FHOD3: variants seen among roughly 807,000 people sequenced by gnomAD.
FHOD3 encodes the protein FH1/FH2 domain-containing protein 3.
A neutral mutation model predicts 173.0 loss-of-function variants in FHOD3; 90 were observed. That is an observed-to-expected ratio of 0.52 (90% CI 0.44 to 0.62). FHOD3 has a LOEUF of 0.62. Ranked by LOEUF, FHOD3 falls within the 20% of genes least tolerant of loss-of-function variation. FHOD3 has a pLI of 0.00. For missense variants in FHOD3, 1,945 were observed against 2,034.7 expected, an observed-to-expected ratio of 0.96 and a Z score of 0.85; for synonymous variants, 828 against 823.0, an observed-to-expected ratio of 1.01 and a Z score of -0.10.
At chr18:36,568,199 A>G (rs1441341591) in intron 5 of FHOD3, among the ~76,000 whole-genome samples, 1 of 149,320 alleles carries the variant, frequency 6.7e-6, no homozygotes, top group East Asian at 2.0e-4. Flanking sequence ...TTAGCCAGGC[A>G]TGGTGGTGCA....
chr18:36,424,646 A>G (rs1217542666), intron 3 of FHOD3, among the ~76,000 whole-genome samples: 1 of 152,256 alleles, frequency 6.6e-6, no homozygotes, highest in Non-Finnish European at 1.5e-5. Context: ...TCTGTTGTAA[A>G]TTAATGTTCT....
chr18:36,465,260 G>A (rs1022371659), intron 3 of FHOD3, among the ~76,000 whole-genome samples: 5 of 152,126 alleles, frequency 3.3e-5, no homozygotes, highest in African/African-American at 9.7e-5. Context: ...CTCGGGAGGC[G>A]GAAGTTGCAG....
intron 3 of FHOD3, among the ~76,000 whole-genome samples, chr18:36,388,914 G>A (rs1159971005): frequency 6.6e-6 from 1 of 152,202 alleles, no homozygotes; most frequent in African/African-American, 2.4e-5. Context: ...TCTAGGGAAG[G>A]TGCCCTGGGG....
intron 20 of FHOD3, 95 bp from the exon 21 acceptor site, chr18:36,740,561 G>C (rs2041853879): frequency 3.2e-6 from 4 of 1,261,976 alleles, no homozygotes; most frequent in Non-Finnish European, 4.4e-6. Context: ...TCTACTACCT[G>C]GTTGGAAAAT....
At chr18:36,603,343 G>A (rs972596988) in intron 8 of FHOD3, among the ~76,000 whole-genome samples, 3 of 152,084 alleles carry the variant, frequency 2.0e-5, no homozygotes, top group South Asian at 2.1e-4. Context: ...TATGCGACAC[G>A]TGGAGTGGAT....
intron 5 of FHOD3, among the ~76,000 whole-genome samples, chr18:36,513,397 G>A (rs2055772773): frequency 1.3e-5 from 2 of 152,184 alleles, no homozygotes; most frequent in Admixed American, 1.3e-4. Flanking sequence ...GGCAGCAGCT[G>A]TGCCCAGGCA....
At chr18:36,722,450 T>A (rs1600417780) in intron 19 of FHOD3, among the ~76,000 whole-genome samples, 1 of 152,334 alleles carries the variant, frequency 6.6e-6, no homozygotes, top group East Asian at 1.9e-4. Flanking sequence ...GATGTTGTCT[T>A]ACTCTCTTGC....
chr18:36,500,255 A>G (rs560490613), intron 3 of FHOD3, among the ~76,000 whole-genome samples: 6 of 152,314 alleles, frequency 3.9e-5, no homozygotes, highest in African/African-American at 1.4e-4. Flanking sequence ...TATGTCTGGT[A>G]GGGAGACCTT....
At chr18:36,434,574 G>A (rs1464043476) in intron 3 of FHOD3, among the ~76,000 whole-genome samples, 3 of 151,974 alleles carry the variant, frequency 2.0e-5, no homozygotes, top group Non-Finnish European at 4.4e-5. Context: ...TAATCAGATT[G>A]TTGATTTTTT....
At chr18:36,566,867 GA>G (rs538374965) in intron 5 of FHOD3, among the ~76,000 whole-genome samples, 52 of 149,250 alleles carry the variant, frequency 3.5e-4, no homozygotes, top group African/African-American at 7.6e-4. Flanking sequence ...AGACCTACAG[GA>G]AAAAAAAAAT....
At chr18:36,330,121 C>A (rs180809479) in intron 1 of FHOD3, among the ~76,000 whole-genome samples, 1 of 152,140 alleles carries the variant, frequency 6.6e-6, no homozygotes, top group Admixed American at 6.5e-5. Context: ...GAATTACACA[C>A]CTAGCTTGAA....
chr18:36,606,222 T>C (rs1357436821), intron 8 of FHOD3, among the ~76,000 whole-genome samples: 1 of 152,238 alleles, frequency 6.6e-6, no homozygotes, highest in African/African-American at 2.4e-5. Flanking sequence ...TTGCTGTAAC[T>C]GAATACCACA....
At chr18:36,601,153 C>T (rs1026155345) in intron 7 of FHOD3, among the ~76,000 whole-genome samples, 2 of 152,166 alleles carry the variant, frequency 1.3e-5, no homozygotes, top group African/African-American at 4.8e-5. Context: ...GGAGATAATT[C>T]AGTAGTCAGC....
intron 2 of FHOD3, among the ~76,000 whole-genome samples, chr18:36,369,290 G>A (rs1181076718): frequency 2.0e-5 from 3 of 152,138 alleles, no homozygotes; most frequent in Non-Finnish European, 4.4e-5. Flanking sequence ...ATCAGTGGTA[G>A]CAGGGAAATG....
chr18:36,541,433 G>A (rs2057214729), intron 5 of FHOD3, among the ~76,000 whole-genome samples: 1 of 151,900 alleles, frequency 6.6e-6, no homozygotes, highest in African/African-American at 2.4e-5. Context: ...AAAACAAAAT[G>A]TGGTCCCAGC....
chr18:36,473,156 C>T (rs746222316), intron 3 of FHOD3, among the ~76,000 whole-genome samples: 26 of 152,260 alleles, frequency 1.7e-4, no homozygotes, highest in African/African-American at 4.3e-4. Context: ...ACCACCTGTC[C>T]GTAATCCCAG....
chr18:36,743,954 A>G, intron 22 of FHOD3, 78 bp from the exon 23 acceptor site: 2 of 1,518,010 alleles, frequency 1.3e-6, no homozygotes, highest in South Asian at 2.3e-5. Context: ...ACTGCAGCCA[A>G]GAATTGATCC....
At chr18:36,659,794 C>T (rs1256756258) in intron 14 of FHOD3, among the ~76,000 whole-genome samples, 2 of 152,198 alleles carry the variant, frequency 1.3e-5, no homozygotes, top group African/African-American at 4.8e-5. Flanking sequence ...ATGTTCTTCC[C>T]AGGTTCTGAA....
intron 5 of FHOD3, among the ~76,000 whole-genome samples, chr18:36,529,843 C>T (rs78155056): frequency 0.067 from 10,133 of 152,202 alleles, 549 homozygotes; most frequent in South Asian, 0.21. Flanking sequence ...TGGTCTGAAC[C>T]TTGAAAAGGC....
Sources: allele counts gnomAD v4.1 joint callset (sites outside exome capture counted in the v4.1 genomes callset), GRCh38; gene constraint gnomAD v4.1.1; transcripts MANE v1.5; gene names NCBI Gene and HGNC (gene_info 2026-07-23, HGNC 2026-07-21).